The following IRAG1 variants were observed in gnomAD, a reference collection of about 807,000 sequenced individuals.
IRAG1 encodes the protein inositol 1,4,5-triphosphate receptor associated 1, also known as IP3R-associated cGMP kinase substrate.
A neutral mutation model predicts 106.2 loss-of-function variants in IRAG1; 62 were observed. The ratio of observed to expected loss-of-function variants is 0.58; its 90% CI spans 0.48 to 0.72. IRAG1 has a LOEUF of 0.72. Ranked by LOEUF, IRAG1 falls within the 30% of genes least tolerant of loss-of-function variation. The pLI is 0.00. For missense variants in IRAG1, 1,064 were observed against 1,140.7 expected (o/e 0.93, Z 0.97); for synonymous variants, 462 against 443.9 (o/e 1.04, Z -0.51).
chr11:10,592,867 A>C (rs1405845399), intron 17 of IRAG1, among the ~76,000 whole-genome samples: 5 of 152,094 alleles, frequency 3.3e-5, no homozygotes, highest in Non-Finnish European at 4.4e-5. Context: ...ACAGAAACAC[A>C]CTCTTTTAAA....
intron 1 of IRAG1, among the ~76,000 whole-genome samples, chr11:10,661,418 A>G (rs1859393257): frequency 6.6e-6 from 1 of 152,132 alleles, no homozygotes; most frequent in Non-Finnish European, 1.5e-5. Context: ...ATTTCCACAT[A>G]TTTGGTGGCT....
At chr11:10,667,719 C>T (rs886688351) in intron 1 of IRAG1, among the ~76,000 whole-genome samples, 2 of 152,192 alleles carry the variant, frequency 1.3e-5, no homozygotes, top group Non-Finnish European at 2.9e-5. Context: ...ATTTCAATGG[C>T]TTTCTGTGTG....
At position 10,581,949 on chromosome 11, in the gene IRAG1, C is replaced by A; in HGVS notation, c.2278G>T (p.Ala760Ser). ...TNGDPDCEAS[A>S]PALTLSCLEE... The stretch of plus-strand genomic sequence containing the variant: ...AGGCAGCTCAGGGTCAGCGCAGGAG[C>A]AGAGGCTTCACAATCTGGGTCCCCA... The change falls in exon 19 of 21, where the codon GCT becomes TCT. Residue 760 changes from alanine (A) to serine (S), a missense_variant. Coordinates refer to ENST00000423302, the MANE Select transcript of IRAG1 (RefSeq NM_130385.4). 3 of 1,613,852 alleles carry A rather than the reference C, an allele frequency of 1.9e-6. No homozygotes were observed. The highest frequency in any genetic ancestry group is 2.5e-6 in the Non-Finnish European group (3 of 1,179,784).
intron 3 of IRAG1, among the ~76,000 whole-genome samples, chr11:10,633,163 C>T (rs1037791045): frequency 2.7e-5 from 4 of 150,810 alleles, no homozygotes; most frequent in South Asian, 2.1e-4. Context: ...CAAGCTCCGC[C>T]TCCCGGGTTC....
Position 10,601,052 on chromosome 11 carries a change from C to T in IRAG1, c.1883G>A (p.Arg628His), listed in dbSNP as rs558392649. 77 of 1,613,936 alleles carry T rather than the reference C, an allele frequency of 4.8e-5. No individual in the cohort carries two copies. The African/African-American group carries it at 7.3e-4, about 15-fold the overall frequency. The change falls in exon 15 of 21, where the codon CGC becomes CAC. Residue 628 changes from arginine (R) to histidine (H), a missense_variant. Transcript: ENST00000423302. ...CATCACTTCCGTTGCTTTCGACATG[C>T]GCTTTTCCTGCGGGGAAGGAGCGCA... The part of the protein sequence containing the change: ...EVVGAVRQEK[R>H]MSKATEVMMQ...
At chr11:10,689,180 C>A (rs531496082) in intron 1 of IRAG1, among the ~76,000 whole-genome samples, 11 of 149,176 alleles carry the variant, frequency 7.4e-5, no homozygotes, top group African/African-American at 2.7e-4. Context: ...TAAACCTTAG[C>A]TAAGGCCTGC....
chr11:10,635,342 A>C (rs969054489), intron 2 of IRAG1, among the ~76,000 whole-genome samples: 1 of 152,132 alleles, frequency 6.6e-6, no homozygotes, highest in South Asian at 2.1e-4. Context: ...GCCTTTGCCA[A>C]AGGCCTGCCT....
chr11:10,666,427 T>C (rs1859790115), intron 1 of IRAG1, among the ~76,000 whole-genome samples: 1 of 152,192 alleles, frequency 6.6e-6, no homozygotes, highest in Admixed American at 6.5e-5. Flanking sequence ...CAGTATACCA[T>C]AATGAAGGCT....
chr11:10,601,284 A>C (rs1853973831), intron 14 of IRAG1, among the ~76,000 whole-genome samples: 1 of 152,200 alleles, frequency 6.6e-6, no homozygotes, highest in South Asian at 2.1e-4. Flanking sequence ...AGGAGATGAC[A>C]GGCAGAGGAG....
intron 13 of IRAG1, among the ~76,000 whole-genome samples, chr11:10,604,050 C>T (rs1283521769): frequency 6.6e-6 from 1 of 152,254 alleles, no homozygotes; most frequent in Non-Finnish European, 1.5e-5. Flanking sequence ...CCCATCCAGG[C>T]TGAGAGAAGT....
At position 10,629,659 on chromosome 11, in the gene IRAG1, G is replaced by A. The variant is rs1856536937; in HGVS notation, c.453C>T (p.Ser151=). ...DLVNDQLPDI[S]ISEEDKKKNL... Reference sequence around the variant, plus strand: ...TTTTCTTCTTGTCCTCCTCTGAGATGCTGATGTCTGGCAGCTGGTCATTCA... The same window carrying A: ...TTTTCTTCTTGTCCTCCTCTGAGATACTGATGTCTGGCAGCTGGTCATTCA... The change falls in exon 5 of 21, where the codon AGC becomes AGT. Residue 151 remains serine, a synonymous_variant. Transcript: ENST00000423302. 3 of 1,613,820 alleles carry A rather than the reference G, an allele frequency of 1.9e-6. No homozygotes were observed. The highest frequency in any genetic ancestry group is 2.7e-5 in the African/African-American group (2 of 74,930).
At chr11:10,595,265 A>G (rs776141958) in intron 15 of IRAG1, among the ~76,000 whole-genome samples, 2 of 152,140 alleles carry the variant, frequency 1.3e-5, no homozygotes, top group African/African-American at 4.8e-5. Context: ...CTATTAACCA[A>G]TAGATTTATA....
intron 1 of IRAG1, among the ~76,000 whole-genome samples, chr11:10,656,478 CAACTGAAGAGGCTAGA>C (rs1858936251): frequency 6.6e-6 from 1 of 152,200 alleles, no homozygotes; most frequent in South Asian, 2.1e-4. Context: ...GTAATTTGTG[CAACTGAAGAGGCTAGA>C]AGTTCCTAAA....
intron 1 of IRAG1, among the ~76,000 whole-genome samples, chr11:10,684,693 C>T (rs1056926234): frequency 1.3e-5 from 2 of 151,422 alleles, no homozygotes; most frequent in East Asian, 3.9e-4. Flanking sequence ...CTGAAAGCTG[C>T]CCTGGGTCCT....
chr11:10,642,688 G>T (rs922277650), intron 2 of IRAG1, among the ~76,000 whole-genome samples: 3 of 152,242 alleles, frequency 2.0e-5, no homozygotes, highest in African/African-American at 7.2e-5. Flanking sequence ...TATTCTCTAG[G>T]CTTGTTTTAA....
In IRAG1 at chr11:10,590,792, C is replaced by T. The variant is rs569898700; in HGVS notation, c.2240+756G>A. On this transcript the variant is annotated intron_variant, in intron 18 of 20. Transcript: ENST00000423302. ...AGAAAATCACAGAAACTGCTGGCTG[C>T]TAATCCAATATGCATTTTCCTTCCT... 3.4e-4 allele frequency among the ~76,000 whole-genome samples: 52 copies of T among 152,328 alleles called. 2 individuals carry two copies. In the South Asian group the frequency reaches 9.7e-3, roughly 29 times the overall value.
At chr11:10,636,027 T>C (rs140945250) in intron 2 of IRAG1, among the ~76,000 whole-genome samples, 2 of 152,214 alleles carry the variant, frequency 1.3e-5, no homozygotes, top group African/African-American at 4.8e-5. Flanking sequence ...GAAGCAGCAT[T>C]GCCTATTGGA....
At chr11:10,683,601 T>C (rs1385446787) in intron 1 of IRAG1, among the ~76,000 whole-genome samples, 2 of 152,196 alleles carry the variant, frequency 1.3e-5, no homozygotes, top group African/African-American at 2.4e-5. Flanking sequence ...CTATGGAATG[T>C]ATAACTTGGG....
intron 2 of IRAG1, among the ~76,000 whole-genome samples, chr11:10,642,354 T>A (rs1218762316): frequency 6.6e-6 from 1 of 152,220 alleles, no homozygotes; most frequent in East Asian, 1.9e-4. Flanking sequence ...GGCACAGGGA[T>A]AAATATAGGC....
Sources: allele counts gnomAD v4.1 joint callset (sites outside exome capture counted in the v4.1 genomes callset), GRCh38; gene constraint gnomAD v4.1.1; transcripts MANE v1.5; gene names NCBI Gene and HGNC (gene_info 2026-07-23, HGNC 2026-07-21).